Variants in CAMSAP2 observed in about 807,000 individuals in gnomAD.
The protein encoded by CAMSAP2 is calmodulin regulated spectrin associated protein family member 2, also known as calmodulin-regulated spectrin-associated protein 2.
CAMSAP2 carries 26 observed loss-of-function variants against 146.1 expected under a neutral mutation model. The ratio of observed to expected loss-of-function variants is 0.18; its 90% CI spans 0.13 to 0.25. The LOEUF is 0.25. CAMSAP2 is among the 10% of genes least tolerant of loss of function. The pLI, the probability that CAMSAP2 is intolerant of heterozygous loss-of-function variation, is 1.00. For synonymous variants in CAMSAP2, 499 were observed against 596.6 expected, an observed-to-expected ratio of 0.84 and a Z score of 2.38; for missense variants, 1,381 against 1,759.3, an observed-to-expected ratio of 0.78 and a Z score of 3.85.
intron 1 of CAMSAP2, among the ~76,000 whole-genome samples, chr1:200,753,926 A>G (rs1664578150): frequency 6.6e-6 from 1 of 152,202 alleles, no homozygotes; most frequent in Admixed American, 6.5e-5. Flanking sequence ...AGAGGTACCC[A>G]GAGACAAATC....
intron 1 of CAMSAP2, among the ~76,000 whole-genome samples, chr1:200,745,733 A>G (rs942556801): frequency 2.0e-5 from 3 of 152,184 alleles, no homozygotes; most frequent in Non-Finnish European, 4.4e-5. Context: ...CGGCCTCCCA[A>G]AGTGCTGGGA....
At position 200,764,580 on chromosome 1, in the gene CAMSAP2, G is replaced by T. The variant is rs1334534500; in HGVS notation, c.399+3482G>T. 4.6e-5 allele frequency among the ~76,000 whole-genome samples: 7 copies of T among 152,234 alleles called. No homozygotes were observed. In the East Asian group the frequency reaches 1.3e-3, roughly 29 times the overall value. ...TAGAGAAGAAATTTAAATTCAAATA[G>T]AAATTATCATTATCTGAAATAACAT... On this transcript the variant is annotated intron_variant, in intron 2 of 16. Coordinates refer to ENST00000358823, the MANE Select transcript of CAMSAP2 (RefSeq NM_203459.4).
At chr1:200,793,320 C>T (rs560699412) in intron 2 of CAMSAP2, among the ~76,000 whole-genome samples, 18 of 151,954 alleles carry the variant, frequency 1.2e-4, no homozygotes, top group East Asian at 1.9e-4. Flanking sequence ...GATCAGTAAA[C>T]GTTAGCAATC....
intron 2 of CAMSAP2, among the ~76,000 whole-genome samples, chr1:200,762,096 G>A (rs963274869): frequency 1.3e-5 from 2 of 152,130 alleles, no homozygotes; most frequent in Non-Finnish European, 2.9e-5. Context: ...TGTATATGTA[G>A]AAAAGTATAT....
chr1:200,820,062 A>ATTTT (rs754216364), intron 4 of CAMSAP2, among the ~76,000 whole-genome samples: 272 of 145,916 alleles, frequency 1.9e-3, no homozygotes, highest in African/African-American at 6.2e-3. Context: ...TTCTCAAAAA[A>ATTTT]TTTTTTTTTT....
chr1:200,855,958 G>A, intron 14 of CAMSAP2, 52 bp from the exon 15 acceptor site: 1 of 1,215,800 alleles, frequency 8.2e-7, no homozygotes, highest in East Asian at 2.3e-5. Flanking sequence ...TACCCTCTGG[G>A]CCCCATTTTT....
At chr1:200,855,972 C>T in intron 14 of CAMSAP2, 38 bp from the exon 15 acceptor site, 2 of 1,405,526 alleles carry the variant, frequency 1.4e-6, no homozygotes, top group South Asian at 1.2e-5. Context: ...CATTTTTTCT[C>T]TGTTTGAGAC....
At chr1:200,755,759 G>A (rs551758483) in intron 1 of CAMSAP2, among the ~76,000 whole-genome samples, 1 of 152,314 alleles carries the variant, frequency 6.6e-6, no homozygotes, top group African/African-American at 2.4e-5. Flanking sequence ...GGACAGATAA[G>A]TATCTTGCTC....
At chr1:200,817,671 G>A (rs1052624787) in intron 4 of CAMSAP2, among the ~76,000 whole-genome samples, 9 of 152,160 alleles carry the variant, frequency 5.9e-5, no homozygotes, top group African/African-American at 1.4e-4. Flanking sequence ...AGGGAAAAAG[G>A]AAGGAAAAGC....
At position 200,857,738 on chromosome 1, in the gene CAMSAP2, G is replaced by GT. The variant is rs1393509111; in HGVS notation, c.4132-10dup. 1.9e-6 allele frequency: 3 copies of GT among 1,559,190 alleles called. No homozygotes were observed. The highest frequency in any genetic ancestry group is 8.6e-7 in the Non-Finnish European group (1 of 1,158,906). ...TTATTCGTGTTGTTATGTTGTTTTT[G>GT]TTTTTTATTTTAAAGGAAATGGAGA... On this transcript the variant is annotated splice_polypyrimidine_tract_variant and intron_variant, in intron 16 of 16. Coordinates refer to ENST00000358823, the MANE Select transcript of CAMSAP2 (RefSeq NM_203459.4). This position sits in a 1 kb window ranked among gnomAD's most constrained non-coding sequence, Gnocchi z 4.7.
At chr1:200,758,375 T>C (rs1664703958) in intron 1 of CAMSAP2, among the ~76,000 whole-genome samples, 1 of 152,256 alleles carries the variant, frequency 6.6e-6, no homozygotes, top group Non-Finnish European at 1.5e-5. Context: ...ACAGCTGTTC[T>C]ACTAATAGTT....
At position 200,832,178 on chromosome 1, in the gene CAMSAP2, A is replaced by C. The variant is rs1290721433; in HGVS notation, c.646-22A>C. 1.3e-6 allele frequency: 2 copies of C among 1,580,340 alleles called. No individual in the cohort carries two copies. Among genetic ancestry groups the C allele is most frequent in the East Asian group, 2.2e-5 (1 of 44,486 alleles). On this transcript the variant is annotated intron_variant, in intron 4 of 16. Coordinates refer to ENST00000358823, the MANE Select transcript of CAMSAP2 (RefSeq NM_203459.4). This position sits in a 1 kb window ranked among gnomAD's most constrained non-coding sequence, Gnocchi z 4.2. ...CGTTATTTGGTACTTATTTATTTTC[A>C]TGTATTTTTTTTATATCGTAGGCTC...
At chr1:200,759,278 C>CTTTT (rs1241403893) in intron 1 of CAMSAP2, among the ~76,000 whole-genome samples, 2 of 111,126 alleles carry the variant, frequency 1.8e-5, no homozygotes, top group African/African-American at 2.9e-5. Context: ...TCCTGCTATT[C>CTTTT]TATTTTTTTT....
At chr1:200,760,554 G>C (rs1318144224) in intron 1 of CAMSAP2, among the ~76,000 whole-genome samples, 1 of 152,074 alleles carries the variant, frequency 6.6e-6, no homozygotes, top group Non-Finnish European at 1.5e-5. Flanking sequence ...TATGAATGTG[G>C]GAATACTTTC....
chr1:200,800,177 A>C (rs901762160), intron 2 of CAMSAP2, among the ~76,000 whole-genome samples: 3 of 152,166 alleles, frequency 2.0e-5, no homozygotes, highest in Non-Finnish European at 2.9e-5. Flanking sequence ...GTAGATGTCT[A>C]TTAGGTCTGC....
At chr1:200,813,763 C>T (rs1057331028) in intron 3 of CAMSAP2, among the ~76,000 whole-genome samples, 3 of 152,016 alleles carry the variant, frequency 2.0e-5, no homozygotes, top group Non-Finnish European at 2.9e-5. Context: ...AGATCAATTA[C>T]GACTACCTGA....
chr1:200,793,710 T>A, intron 2 of CAMSAP2, among the ~76,000 whole-genome samples: 1 of 152,102 alleles, frequency 6.6e-6, no homozygotes, highest in Non-Finnish European at 1.5e-5. Flanking sequence ...GGCTTTTTTT[T>A]TTATTTTCAT....
chr1:200,834,762 G>A (rs1667144058), intron 6 of CAMSAP2, among the ~76,000 whole-genome samples: 1 of 152,008 alleles, frequency 6.6e-6, no homozygotes, highest in South Asian at 2.1e-4. Flanking sequence ...AGAAAATAAA[G>A]TTAGCCAGGC....
In CAMSAP2 at chr1:200,856,145, TAG is replaced by T. The variant is rs1308332182; in HGVS notation, c.4012+24_4012+25del. On this transcript the variant is annotated intron_variant, in intron 15 of 16. Transcript: ENST00000358823. The stretch of plus-strand genomic sequence containing the variant: ...ATACAGGTTAGTGTCTATACATTTT[TAG>T]AGAAACATTTGAATTTAACACACTC... 1 of 1,523,270 alleles carries T rather than the reference TAG, an allele frequency of 6.6e-7. No homozygotes were observed. Among genetic ancestry groups the T allele is most frequent in the Non-Finnish European group, 9.1e-7 (1 of 1,104,804 alleles). 94.4% of individuals were successfully genotyped at this position (1,523,270 alleles called of 1,614,324 possible).
Sources: gnomAD v4.1 joint callset for allele counts (sites outside exome capture counted in the v4.1 genomes callset) on GRCh38, gnomAD v4.1.1 for gene constraint, Gnocchi (gnomAD v3.1) non-coding constraint, MANE v1.5 for transcripts, NCBI Gene and HGNC (gene_info 2026-07-23, HGNC 2026-07-21) for gene names.